The following GLDN variants were observed in gnomAD, a reference collection of about 807,000 sequenced individuals.
GLDN encodes the protein collomin.
GLDN carries 47 observed loss-of-function variants against 56.5 expected under a neutral mutation model. The ratio of observed to expected loss-of-function variants is 0.83; its 90% CI spans 0.66 to 1.06. The LOEUF is 1.06. Among genes scored for constraint, GLDN ranks in the 50% least tolerant of loss-of-function variants. The pLI, the probability that GLDN is intolerant of heterozygous loss-of-function variation, is 0.00. For synonymous variants in GLDN, 332 were observed against 278.8 expected, an observed-to-expected ratio of 1.19 and a Z score of -1.90; for missense variants, 782 against 714.3, an observed-to-expected ratio of 1.09 and a Z score of -1.08.
At chr15:51,392,119 C>T (rs192756994) in intron 4 of GLDN, among the ~76,000 whole-genome samples, 8 of 152,252 alleles carry the variant, frequency 5.3e-5, no homozygotes, top group Non-Finnish European at 1.0e-4. Context: ...AGAGCAGAAA[C>T]CATTTTGAAT....
intron 4 of GLDN, chr15:51,384,328 G>A (rs774684703): frequency 1.8e-5 from 4 of 220,454 alleles, no homozygotes; most frequent in Non-Finnish European, 2.6e-5. Context: ...CCCTGGTAAG[G>A]CATTTCTTGG....
At chr15:51,365,347 A>G (rs879534840) in intron 1 of GLDN, among the ~76,000 whole-genome samples, 2 of 152,162 alleles carry the variant, frequency 1.3e-5, no homozygotes, top group South Asian at 2.1e-4. Flanking sequence ...CTCTTTATAT[A>G]GGAAAGTTAT....
intron 1 of GLDN, among the ~76,000 whole-genome samples, chr15:51,356,076 G>A (rs932718274): frequency 6.6e-6 from 1 of 151,664 alleles, no homozygotes; most frequent in Non-Finnish European, 1.5e-5. Flanking sequence ...GCGTGGTGGT[G>A]CGTGCCCGTG....
downstream of GLDN, among the ~76,000 whole-genome samples, chr15:51,410,324 G>A (rs74013214): frequency 1.4e-3 from 215 of 152,320 alleles, no homozygotes; most frequent in African/African-American, 5.1e-3. Context: ...TGGAAGTGCT[G>A]TCAACATATA....
At chr15:51,392,319 A>T (rs945984689) in intron 4 of GLDN, among the ~76,000 whole-genome samples, 1 of 152,132 alleles carries the variant, frequency 6.6e-6, no homozygotes, top group Non-Finnish European at 1.5e-5. Context: ...CAGTGCTCAC[A>T]TTACCGCCCG....
intron 7 of GLDN, 31 bp downstream of exon 7, chr15:51,400,306 T>G (rs1406293420): frequency 1.9e-6 from 3 of 1,614,176 alleles, no homozygotes; most frequent in South Asian, 2.2e-5. Flanking sequence ...GTCTTGAAAT[T>G]CAGAAATTGA....
At chr15:51,377,358 T>A (rs1002742484) in intron 1 of GLDN, 91 bp from the exon 2 acceptor site, 2 of 1,139,764 alleles carry the variant, frequency 1.8e-6, no homozygotes, top group African/African-American at 1.5e-5. Flanking sequence ...ACTTGGTGAC[T>A]TTTTATGATT....
chr15:51,412,836 G>T (rs566892193), downstream of GLDN, among the ~76,000 whole-genome samples: 3 of 152,152 alleles, frequency 2.0e-5, no homozygotes, highest in African/African-American at 7.2e-5. Context: ...GTCCATGGCT[G>T]CTTTTATGTC....
intron 1 of GLDN, among the ~76,000 whole-genome samples, chr15:51,377,096 T>G (rs1161488574): frequency 6.6e-6 from 1 of 152,216 alleles, no homozygotes; most frequent in Admixed American, 6.5e-5. Context: ...TCAATTATTA[T>G]GTACTATACA....
At chr15:51,393,357 C>G (rs2038060518) in intron 4 of GLDN, among the ~76,000 whole-genome samples, 2 of 152,150 alleles carry the variant, frequency 1.3e-5, no homozygotes, top group Non-Finnish European at 2.9e-5. Flanking sequence ...TAACCTGGGG[C>G]TAATTTAGCC....
intron 1 of GLDN, among the ~76,000 whole-genome samples, chr15:51,345,988 G>T (rs2036971648): frequency 6.6e-6 from 1 of 152,188 alleles, no homozygotes; most frequent in Non-Finnish European, 1.5e-5. Context: ...ACCTGTGTGT[G>T]TATCTATATA....
At chr15:51,390,571 C>G (rs2037994759) in intron 4 of GLDN, among the ~76,000 whole-genome samples, 1 of 152,100 alleles carries the variant, frequency 6.6e-6, no homozygotes, top group South Asian at 2.1e-4. Flanking sequence ...AATGAAAGCC[C>G]TCCTCCGTAT....
At position 51,407,658 on chromosome 15, in the gene GLDN, G is replaced by T. The variant is rs1595846223; in HGVS notation, c.*2904G>T. The T allele has an allele frequency of 6.6e-6, 1 of 152,230 alleles. No homozygotes were observed. Among genetic ancestry groups the T allele is most frequent in the East Asian group, 1.9e-4 (1 of 5,204 alleles). The allele number at this position is 152,230 out of a possible 1,614,324, so 9.4% of individuals were successfully genotyped here. On this transcript the variant is annotated 3_prime_UTR_variant, in exon 10 of 10. Transcript: ENST00000335449. ...ATCGTTAAGCACAGGTGCTATGACA[G>T]AAAAAGTTCTGGGGTGGAAGTTTTA... is the stretch of plus-strand genomic sequence containing the variant.
intron 4 of GLDN, among the ~76,000 whole-genome samples, chr15:51,389,813 C>G (rs1361341124): frequency 6.6e-6 from 1 of 152,126 alleles, no homozygotes; most frequent in Non-Finnish European, 1.5e-5. Context: ...CCCCTGGGTA[C>G]TAGTGGGGAC....
intron 1 of GLDN, among the ~76,000 whole-genome samples, chr15:51,358,181 C>T (rs1436606425): frequency 6.6e-6 from 1 of 152,116 alleles, no homozygotes. Flanking sequence ...ATAATAGGTC[C>T]CCCCAATTCA....
intron 1 of GLDN, among the ~76,000 whole-genome samples, chr15:51,358,552 G>A (rs2037230640): frequency 6.6e-6 from 1 of 152,176 alleles, no homozygotes; most frequent in Non-Finnish European, 1.5e-5. Context: ...ATGTCGGTAA[G>A]CACAATTAAA....
At chr15:51,370,312 G>A (rs2037490172) in intron 1 of GLDN, among the ~76,000 whole-genome samples, 1 of 152,112 alleles carries the variant, frequency 6.6e-6, no homozygotes, top group African/African-American at 2.4e-5. Flanking sequence ...AAAATCATCT[G>A]TCATGTCCAA....
At chr15:51,389,440 T>C (rs2037968887) in intron 4 of GLDN, among the ~76,000 whole-genome samples, 1 of 152,218 alleles carries the variant, frequency 6.6e-6, no homozygotes, top group South Asian at 2.1e-4. Flanking sequence ...ACTCAGTAAC[T>C]ATTTATTCTG....
intron 4 of GLDN, among the ~76,000 whole-genome samples, chr15:51,394,038 A>G (rs1416567300): frequency 6.6e-6 from 1 of 152,208 alleles, no homozygotes; most frequent in Non-Finnish European, 1.5e-5. Flanking sequence ...TTGCTCTCTG[A>G]CTTGGCAGCA....
Sources: gnomAD v4.1 joint callset for allele counts (sites outside exome capture counted in the v4.1 genomes callset) on GRCh38, gnomAD v4.1.1 for gene constraint, MANE v1.5 for transcripts, NCBI Gene and HGNC (gene_info 2026-07-23, HGNC 2026-07-21) for gene names.